The following GNA14 variants were observed in gnomAD, a reference collection of about 807,000 sequenced individuals.
GNA14 encodes guanine nucleotide-binding protein subunit alpha-14.
Under a neutral mutation model 42.0 loss-of-function variants are expected in GNA14, and 50 were observed. That is an observed-to-expected ratio of 1.19 (90% CI 0.95 to 1.51). GNA14 has a LOEUF of 1.51. Ranked by LOEUF, GNA14 falls within the 40% of genes most tolerant of loss-of-function variation. The pLI is 0.00. For synonymous variants in GNA14, 173 were observed against 163.1 expected, an observed-to-expected ratio of 1.06 and a Z score of -0.46; for missense variants, 473 against 446.2, an observed-to-expected ratio of 1.06 and a Z score of -0.54.
chr9:77,508,822 G>A (rs571775356), intron 2 of GNA14, among the ~76,000 whole-genome samples: 1 of 152,262 alleles, frequency 6.6e-6, no homozygotes, highest in South Asian at 2.1e-4. Context: ...GATAAGGAGG[G>A]ATGCAGAAGT....
intron 2 of GNA14, among the ~76,000 whole-genome samples, chr9:77,467,721 C>T (rs183587258): frequency 1.3e-5 from 2 of 150,254 alleles, no homozygotes; most frequent in East Asian, 2.0e-4. Flanking sequence ...TGACAACCTG[C>T]ATCTCCCTTT....
At chr9:77,556,605 C>G (rs1275702097) in intron 1 of GNA14, among the ~76,000 whole-genome samples, 1 of 152,146 alleles carries the variant, frequency 6.6e-6, no homozygotes, top group Non-Finnish European at 1.5e-5. Flanking sequence ...TCCTCACAGC[C>G]CAGGCCACTC....
chr9:77,504,207 CT>C (rs1323617592), intron 2 of GNA14, among the ~76,000 whole-genome samples: 3 of 152,144 alleles, frequency 2.0e-5, no homozygotes, highest in Non-Finnish European at 4.4e-5. Context: ...GGAAACAAAT[CT>C]TTTTCACCAA....
intron 2 of GNA14, among the ~76,000 whole-genome samples, chr9:77,459,857 G>A (rs1301572118): frequency 1.7e-4 from 26 of 151,976 alleles, no homozygotes; most frequent in Non-Finnish European, 1.5e-5. Context: ...GGCATCTCTC[G>A]CCCACCCTCT....
chr9:77,509,674 A>G (rs2131748751), intron 2 of GNA14, among the ~76,000 whole-genome samples: 1 of 152,370 alleles, frequency 6.6e-6, no homozygotes, highest in East Asian at 1.9e-4. Flanking sequence ...GGATGTGCAG[A>G]GAGTGGTGAA....
At chr9:77,488,200 G>A (rs1165161549) in intron 2 of GNA14, among the ~76,000 whole-genome samples, 1 of 152,178 alleles carries the variant, frequency 6.6e-6, no homozygotes, top group African/African-American at 2.4e-5. Flanking sequence ...AAAAAACTGT[G>A]AGGAGGTGGT....
At chr9:77,630,666 G>T (rs1225560625) in intron 1 of GNA14, among the ~76,000 whole-genome samples, 1 of 152,082 alleles carries the variant, frequency 6.6e-6, no homozygotes, top group Admixed American at 6.6e-5. Context: ...CAAAAAACTA[G>T]ATTTATAAAA....
rs554479809 is a variant in GNA14 at position 77,436,189 on chromosome 9, G to A, written c.310-1667C>T. 7.9e-5 allele frequency among the ~76,000 whole-genome samples: 12 copies of A among 152,294 alleles called. No individual in the cohort carries two copies. The South Asian group carries it at 2.5e-3, about 32-fold the overall frequency. ...TGAATGTAAACTCTTCCTGGAGACT[G>A]TAGGACCTTCAGGCAGGTAGGATCT... On this transcript the variant is annotated intron_variant, in intron 2 of 6. Coordinates refer to ENST00000341700, the MANE Select transcript of GNA14 (RefSeq NM_004297.4).
At chr9:77,559,079 C>T (rs1294340182) in intron 1 of GNA14, among the ~76,000 whole-genome samples, 1 of 152,130 alleles carries the variant, frequency 6.6e-6, no homozygotes, top group Non-Finnish European at 1.5e-5. Context: ...GATTTAAAGC[C>T]TGTTGCTCTC....
In GNA14 at chr9:77,528,452, C is replaced by A. The variant is rs184579137; in HGVS notation, c.309+617G>T. 7.2e-5 allele frequency among the ~76,000 whole-genome samples: 11 copies of A among 152,214 alleles called. No homozygotes were observed. The East Asian group carries it at 2.1e-3, about 29-fold the overall frequency. On this transcript the variant is annotated intron_variant, in intron 2 of 6. Transcript: ENST00000341700. The stretch of plus-strand genomic sequence containing the variant: ...ACTTCCTCTTCCTCTCTCTTTCCCG[C>A]CTCATTATTTTCCTCTGGTTTTCAG...
chr9:77,585,514 C>T (rs544339988), intron 1 of GNA14, among the ~76,000 whole-genome samples: 1 of 152,304 alleles, frequency 6.6e-6, no homozygotes, highest in South Asian at 2.1e-4. Flanking sequence ...TCCTGGGTAG[C>T]TCCCCATAAC....
intron 2 of GNA14, among the ~76,000 whole-genome samples, chr9:77,476,468 C>T (rs957745770): frequency 6.6e-6 from 1 of 152,128 alleles, no homozygotes; most frequent in African/African-American, 2.4e-5. Flanking sequence ...CACACAGAAT[C>T]GTAAAGCTCC....
chr9:77,630,381 G>A (rs1015209325), intron 1 of GNA14, among the ~76,000 whole-genome samples: 1 of 152,120 alleles, frequency 6.6e-6, no homozygotes, highest in Non-Finnish European at 1.5e-5. Context: ...GCCTCCTCAA[G>A]TGCTAGGACT....
At position 77,530,556 on chromosome 9, in the gene GNA14, A is replaced by T. The variant is rs578206382; in HGVS notation, c.125-1303T>A. 5.3e-5 allele frequency among the ~76,000 whole-genome samples: 8 copies of T among 152,380 alleles called. No individual in the cohort carries two copies. The South Asian group carries it at 1.4e-3, about 28-fold the overall frequency. ...TATCATCTTCATTTTACAGATAAGA[A>T]ACCTAAGATTCTAATTGGTTAAATA... On this transcript the variant is annotated intron_variant, in intron 1 of 6. Transcript: ENST00000341700.
chr9:77,644,437 CAAAAAAAAA>C (rs764737417), intron 1 of GNA14, among the ~76,000 whole-genome samples: 87 of 34,018 alleles, frequency 2.6e-3, no homozygotes, highest in Non-Finnish European at 3.6e-3. Flanking sequence ...TAAAGAGTGT[CAAAAAAAAA>C]AAAAAAAAAA....
chr9:77,541,868 C>T (rs1596423), intron 1 of GNA14, among the ~76,000 whole-genome samples: 73,078 of 151,978 alleles, frequency 0.48, 18,324 homozygotes, highest in Admixed American at 0.57. Context: ...AATAAACTCT[C>T]TAATTCCAGA....
intron 1 of GNA14, among the ~76,000 whole-genome samples, chr9:77,548,034 A>C (rs1293196290): frequency 6.6e-6 from 1 of 152,210 alleles, no homozygotes; most frequent in Admixed American, 6.5e-5. Context: ...TGGTGAACTT[A>C]GTGGCATTTC....
At chr9:77,569,169 T>C (rs1286388790) in intron 1 of GNA14, among the ~76,000 whole-genome samples, 1 of 151,754 alleles carries the variant, frequency 6.6e-6, no homozygotes, top group Non-Finnish European at 1.5e-5. Flanking sequence ...TTTTTTTAAA[T>C]GGGGTTGGGA....
intron 4 of GNA14, among the ~76,000 whole-genome samples, chr9:77,429,568 CTA>C (rs36094517): frequency 0.56 from 85,406 of 151,862 alleles, 24,576 homozygotes; most frequent in Middle Eastern, 0.68. Context: ...TCCAAAGCCT[CTA>C]TATCTGTGTC....
Sources: allele counts gnomAD v4.1 joint callset (sites outside exome capture counted in the v4.1 genomes callset), GRCh38; gene constraint gnomAD v4.1.1; transcripts MANE v1.5; gene names NCBI Gene and HGNC (gene_info 2026-07-23, HGNC 2026-07-21).